Variants in SPAG16 observed in about 807,000 individuals in gnomAD.
The protein encoded by SPAG16 is sperm associated antigen 16.
SPAG16 carries 86 observed loss-of-function variants against 80.4 expected under a neutral mutation model. The ratio of observed to expected loss-of-function variants is 1.07; its 90% CI spans 0.90 to 1.28. SPAG16 has a LOEUF of 1.28. Ranked by LOEUF, SPAG16 falls within the 50% of genes most tolerant of loss-of-function variation. The pLI is 0.00. For synonymous variants in SPAG16, 294 were observed against 265.9 expected, an observed-to-expected ratio of 1.11 and a Z score of -1.03; for missense variants, 870 against 765.3, an observed-to-expected ratio of 1.14 and a Z score of -1.61.
intron 15 of SPAG16, among the ~76,000 whole-genome samples, chr2:214,371,532 C>CAAAA (rs199553043): frequency 5.1e-5 from 4 of 78,402 alleles, no homozygotes; most frequent in African/African-American, 7.3e-5. Flanking sequence ...AAATCCTTCT[C>CAAAA]AAAAAAAAAA....
chr2:214,042,690 A>T (rs892945563), intron 13 of SPAG16, among the ~76,000 whole-genome samples: 1 of 152,104 alleles, frequency 6.6e-6, no homozygotes, highest in Admixed American at 6.6e-5. Flanking sequence ...TCTTTTCCTT[A>T]TTTCTGTGCT....
chr2:214,021,850 AC>A (rs2047884484), intron 13 of SPAG16, among the ~76,000 whole-genome samples: 1 of 152,118 alleles, frequency 6.6e-6, no homozygotes, highest in Non-Finnish European at 1.5e-5. Context: ...GTTATTAAAT[AC>A]ATGATGTCCT....
At chr2:214,131,972 A>G (rs35410623) in intron 14 of SPAG16, among the ~76,000 whole-genome samples, 18,897 of 152,156 alleles carry the variant, frequency 0.12, 1,333 homozygotes, top group Non-Finnish European at 0.16. Context: ...AGGTTCACCA[A>G]TTGTAACAAG....
chr2:214,145,385 A>G (rs1332015789), intron 14 of SPAG16, among the ~76,000 whole-genome samples: 1 of 152,130 alleles, frequency 6.6e-6, no homozygotes, highest in Non-Finnish European at 1.5e-5. Flanking sequence ...AAATAATGCT[A>G]CATTGGTTTT....
intron 5 of SPAG16, among the ~76,000 whole-genome samples, chr2:213,318,812 CT>C (rs1464385126): frequency 6.6e-6 from 1 of 151,710 alleles, no homozygotes; most frequent in Non-Finnish European, 1.5e-5. Context: ...TTGTAAGTTC[CT>C]TTTTCATTCA....
intron 10 of SPAG16, among the ~76,000 whole-genome samples, chr2:213,580,116 G>C (rs1264598378): frequency 1.3e-5 from 2 of 151,722 alleles, no homozygotes; most frequent in African/African-American, 4.8e-5. Flanking sequence ...TAGGTCCTAA[G>C]ACCCTTATTC....
intron 15 of SPAG16, among the ~76,000 whole-genome samples, chr2:214,277,279 C>T (rs184816751): frequency 6.6e-6 from 1 of 152,116 alleles, no homozygotes; most frequent in Non-Finnish European, 1.5e-5. Flanking sequence ...CCTTCTGAAG[C>T]CTAGTTCCGT....
intron 9 of SPAG16, among the ~76,000 whole-genome samples, chr2:213,418,841 C>G (rs998573774): frequency 6.6e-6 from 1 of 152,186 alleles, no homozygotes; most frequent in African/African-American, 2.4e-5. Flanking sequence ...GGATAGGCAG[C>G]TGATCATTGC....
At chr2:213,888,487 T>A (rs2076655841) in intron 11 of SPAG16, among the ~76,000 whole-genome samples, 1 of 151,672 alleles carries the variant, frequency 6.6e-6, no homozygotes, top group East Asian at 1.9e-4. Flanking sequence ...AGAATTGTCA[T>A]ACACTCAGTT....
At position 214,163,709 on chromosome 2, in the gene SPAG16, C is replaced by A. The variant is rs113485179; in HGVS notation, c.1720+14443C>A. Among the ~76,000 whole-genome samples, 35 of 151,678 alleles carry A rather than the reference C, an allele frequency of 2.3e-4. 1 individual carries two copies. The highest frequency in any genetic ancestry group is 8.2e-4 in the African/African-American group (34 of 41,400). On this transcript the variant is annotated intron_variant, in intron 15 of 15. Coordinates refer to ENST00000331683, the MANE Select transcript of SPAG16 (RefSeq NM_024532.5). ...GAATTAGCTTATGTGATTGCGGGGG[C>A]TGGCAATTGTGAATTCACAGGTTAG...
At chr2:213,462,967 A>G (rs1219315747) in intron 9 of SPAG16, among the ~76,000 whole-genome samples, 1 of 152,230 alleles carries the variant, frequency 6.6e-6, no homozygotes, top group Admixed American at 6.5e-5. Flanking sequence ...GAAGACACAA[A>G]GATTTGGGAA....
chr2:214,177,744 C>A (rs191236913), intron 15 of SPAG16, among the ~76,000 whole-genome samples: 270 of 149,540 alleles, frequency 1.8e-3, no homozygotes, highest in African/African-American at 6.2e-3. Context: ...ATTTATAGTA[C>A]CTCTGCTAGT....
intron 10 of SPAG16, among the ~76,000 whole-genome samples, chr2:213,672,859 GTTT>G (rs750046794): frequency 6.4e-5 from 8 of 124,418 alleles, no homozygotes; most frequent in African/African-American, 2.4e-4. Context: ...TATTTTGTTT[GTTT>G]TTTTTTTTTT....
chr2:213,490,955 T>C (rs974553475), intron 10 of SPAG16, among the ~76,000 whole-genome samples: 7 of 151,340 alleles, frequency 4.6e-5, no homozygotes, highest in African/African-American at 1.5e-4. Context: ...ATAGTGAGTA[T>C]TTTTTTTTCA....
At chr2:213,450,140 A>C (rs1002509595) in intron 9 of SPAG16, among the ~76,000 whole-genome samples, 2 of 152,156 alleles carry the variant, frequency 1.3e-5, no homozygotes, top group Admixed American at 1.3e-4. Flanking sequence ...CACTGTCTGT[A>C]CTAAAAATAC....
intron 5 of SPAG16, among the ~76,000 whole-genome samples, chr2:213,338,503 C>T (rs1217464359): frequency 1.3e-5 from 2 of 152,252 alleles, no homozygotes; most frequent in East Asian, 1.9e-4. Flanking sequence ...GACTTAATCC[C>T]ATTACTGGGT....
At chr2:213,351,988 A>G (rs2065354857) in intron 7 of SPAG16, among the ~76,000 whole-genome samples, 2 of 152,018 alleles carry the variant, frequency 1.3e-5, no homozygotes, top group South Asian at 4.1e-4. Flanking sequence ...TGCTATTCTC[A>G]TGATAATTGA....
chr2:213,385,687 T>A (rs2067392077), intron 9 of SPAG16, among the ~76,000 whole-genome samples: 1 of 152,026 alleles, frequency 6.6e-6, no homozygotes, highest in Admixed American at 6.6e-5. Flanking sequence ...GGTGTGCTCG[T>A]CTCTAAAAGG....
At chr2:213,531,030 T>C (rs1487888359) in intron 10 of SPAG16, among the ~76,000 whole-genome samples, 1 of 152,196 alleles carries the variant, frequency 6.6e-6, no homozygotes, top group Non-Finnish European at 1.5e-5. Context: ...AGTTCCTTTT[T>C]TCCTCTTGAG....
Sources: gnomAD v4.1 joint callset for allele counts (sites outside exome capture counted in the v4.1 genomes callset) on GRCh38, gnomAD v4.1.1 for gene constraint, MANE v1.5 for transcripts, NCBI Gene and HGNC (gene_info 2026-07-23, HGNC 2026-07-21) for gene names.